APAF1: variants seen among roughly 807,000 people sequenced by gnomAD.
The protein encoded by APAF1 is apoptotic peptidase activating factor 1, also known as apoptotic protease-activating factor 1.
Under a neutral mutation model 152.4 loss-of-function variants are expected in APAF1, and 91 were observed. The ratio of observed to expected loss-of-function variants is 0.60; its 90% CI spans 0.50 to 0.71. APAF1 has a LOEUF of 0.71. Among genes scored for constraint, APAF1 ranks in the 30% least tolerant of loss-of-function variants. The probability of loss-of-function intolerance (pLI) is 0.00; values close to 1 mark genes in which losing one functional copy is unlikely to be tolerated. For missense variants in APAF1, 1,283 were observed against 1,472.0 expected (o/e 0.87, Z 2.10); for synonymous variants, 484 against 494.1 (o/e 0.98, Z 0.27).
At chr12:98,703,634 G>T in intron 18 of APAF1, 135 bp downstream of exon 18, 1 of 1,095,850 alleles carries the variant, frequency 9.1e-7, no homozygotes. Context: ...ATAGCCTAAT[G>T]ACCTCTAACT....
chr12:98,646,521 C>CT (rs779960308), intron 1 of APAF1, among the ~76,000 whole-genome samples: 50 of 152,296 alleles, frequency 3.3e-4, no homozygotes, highest in Non-Finnish European at 5.1e-4. Context: ...TACTTGTGCT[C>CT]TGTTTTTGCA....
At chr12:98,652,689 C>T (rs1010799263) in intron 4 of APAF1, among the ~76,000 whole-genome samples, 47 of 151,886 alleles carry the variant, frequency 3.1e-4, no homozygotes, top group Admixed American at 2.8e-3. Context: ...TGCCATGGCG[C>T]GATCTTGGCT....
rs138126255 is a variant in APAF1, at chr12:98,711,627, A to G, written c.2842-692A>G. On this transcript the variant is annotated intron_variant, in intron 20 of 26. Transcript: ENST00000551964. Reference sequence around the variant, plus strand: ...GAATTTTAGTTTATGACACTAAGAGAGAGGTATCTGACAACTGATTTAAGC... The same window carrying G: ...GAATTTTAGTTTATGACACTAAGAGGGAGGTATCTGACAACTGATTTAAGC... Among the ~76,000 whole-genome samples the G allele has an allele frequency of 3.9e-5, 6 of 152,322 alleles. No individual in the cohort carries two copies. The East Asian group carries it at 1.2e-3, about 29-fold the overall frequency.
At chr12:98,726,010 C>T (rs1230697728) in intron 25 of APAF1, among the ~76,000 whole-genome samples, 3 of 152,164 alleles carry the variant, frequency 2.0e-5, no homozygotes, top group East Asian at 3.9e-4. Context: ...CCTCTGTGGA[C>T]TGCCTGCCTG....
intron 19 of APAF1, among the ~76,000 whole-genome samples, chr12:98,708,346 A>G (rs1259284263): frequency 2.6e-5 from 4 of 152,224 alleles, no homozygotes; most frequent in Admixed American, 6.5e-5. Flanking sequence ...TGAAGTTACA[A>G]CTTTAGGTAG....
Position 98,703,425 on chromosome 12 carries a change from A to G in APAF1, c.2521A>G (p.Ser841Gly). 1 of 1,614,180 alleles carries G rather than the reference A, an allele frequency of 6.2e-7. No individual in the cohort carries two copies. Among genetic ancestry groups the G allele is most frequent in the Non-Finnish European group, 8.5e-7 (1 of 1,180,020 alleles). ...LLGEIHTGHHSTIQYCDFSPQ... is the reference protein window; with the variant it reads ...LLGEIHTGHHGTIQYCDFSPQ... ...GGGAGAAATCCACACGGGCCATCAC[A>G]GCACCATCCAGTACTGTGACTTCTC... Residue 841 changes from serine (S) to glycine (G), a missense_variant, in exon 18 of 27, where the codon AGC (serine) becomes GGC (glycine). Coordinates refer to ENST00000551964, the MANE Select transcript of APAF1 (RefSeq NM_181861.2).
chr12:98,648,325 G>A lies in APAF1; in HGVS notation c.-35G>A, dbSNP rs2097644604. 6.2e-7 allele frequency: 1 copy of A among 1,613,566 alleles called. No individual in the cohort carries two copies. The highest frequency in any genetic ancestry group is 1.1e-5 in the South Asian group (1 of 90,958). On this transcript the variant is annotated 5_prime_UTR_variant, in exon 2 of 27. Transcript: ENST00000551964. ...TTTGGTGTTTTGGCTGTAGCTCATGGTTGACAGCTCAGAGAGAGAAAGATC... is the reference window on the plus strand; with the variant it reads ...TTTGGTGTTTTGGCTGTAGCTCATGATTGACAGCTCAGAGAGAGAAAGATC...
chr12:98,648,957 T>C (rs1007736132), intron 3 of APAF1, 142 bp downstream of exon 3: 1 of 893,932 alleles, frequency 1.1e-6, no homozygotes. Context: ...GTTTTCAATT[T>C]AAATATTTTT....
rs753107484 is a variant in APAF1, at chr12:98,662,812, GTTAT to G, written c.955+13_955+16del. The G allele has an allele frequency of 5.6e-6, 9 of 1,606,760 alleles. No homozygotes were observed. In the African/African-American group the frequency reaches 9.4e-5, roughly 17 times the overall value. ...TATTATAAAAGAATGTAAAGGTATGGTTATTTATTTGTTTATGAGGAGATTATAG... is the reference window on the plus strand; with the variant it reads ...TATTATAAAAGAATGTAAAGGTATGGTTATTTGTTTATGAGGAGATTATAG... On this transcript the variant is annotated splice_region_variant and intron_variant, in intron 7 of 26. Transcript: ENST00000551964.
chr12:98,700,086 A>G (rs1031739415), intron 17 of APAF1, among the ~76,000 whole-genome samples: 4 of 152,258 alleles, frequency 2.6e-5, no homozygotes, highest in African/African-American at 9.6e-5. Flanking sequence ...AAATATGAAA[A>G]AAGTAAATAA....
At chr12:98,721,948 TTTTC>T (rs2097743552) in intron 22 of APAF1, among the ~76,000 whole-genome samples, 1 of 152,216 alleles carries the variant, frequency 6.6e-6, no homozygotes, top group African/African-American at 2.4e-5. Flanking sequence ...TGTGGCTGCT[TTTTC>T]TTTATCTTTT....
chr12:98,704,253 A>C (rs2097718936), intron 18 of APAF1, among the ~76,000 whole-genome samples: 1 of 152,002 alleles, frequency 6.6e-6, no homozygotes, highest in Non-Finnish European at 1.5e-5. Flanking sequence ...CAGGTGTATC[A>C]CCTTGCCTGG....
intron 26 of APAF1, 141 bp downstream of exon 26, chr12:98,727,457 G>A (rs957926703): frequency 1.5e-5 from 14 of 916,970 alleles, no homozygotes; most frequent in African/African-American, 5.0e-5. Flanking sequence ...TAAGGTGGGA[G>A]GATCGCTGGA....
rs527298858 is a variant in APAF1, at chr12:98,655,705, C to A, written c.527-3455C>A. 2.0e-5 allele frequency among the ~76,000 whole-genome samples: 3 copies of A among 152,226 alleles called. No individual in the cohort carries two copies. In the East Asian group the frequency reaches 5.8e-4, roughly 29 times the overall value. ...CCTGGCTCACTGCAGCCTCAACTTT[C>A]CAGGCTCAGGTCATCCTCCCACCTC... On this transcript the variant is annotated intron_variant, in intron 4 of 26. Transcript: ENST00000551964.
At position 98,725,548 on chromosome 12, in the gene APAF1, G is replaced by A; in HGVS notation, c.3456+8G>A. 6.2e-7 allele frequency: 1 copy of A among 1,614,060 alleles called. No individual in the cohort carries two copies. Among genetic ancestry groups the A allele is most frequent in the Non-Finnish European group, 8.5e-7 (1 of 1,179,958 alleles). On this transcript the variant is annotated splice_region_variant and intron_variant, in intron 25 of 26. Coordinates refer to ENST00000551964, the MANE Select transcript of APAF1 (RefSeq NM_181861.2). Reference sequence around the variant, plus strand: ...GACAATGGAGAAATCAGGGTAGGCTGTTTGCTGACATGAGAGCACTGCTCT... The same window carrying A: ...GACAATGGAGAAATCAGGGTAGGCTATTTGCTGACATGAGAGCACTGCTCT...
intron 14 of APAF1, among the ~76,000 whole-genome samples, chr12:98,680,767 C>T (rs1446232856): frequency 6.6e-6 from 1 of 152,048 alleles, no homozygotes; most frequent in Non-Finnish European, 1.5e-5. Flanking sequence ...TTGATCACCT[C>T]AGGATTAAAC....
chr12:98,680,369 T>G lies in APAF1; in HGVS notation c.2013T>G (p.Phe671Leu). Residue 671 changes from phenylalanine (F) to leucine (L), a missense_variant, in exon 14 of 27, where the codon TTT (phenylalanine) becomes TTG (leucine). Transcript: ENST00000551964. ...LCCAFSTDDR[F>L]IATCSVDKKV... ...GTGCATTCTCTACAGATGACAGATT[T>G]ATAGCAACCTGCTCAGTGGATAAAA... 6.2e-7 allele frequency: 1 copy of G among 1,613,802 alleles called. No homozygotes were observed. Among genetic ancestry groups the G allele is most frequent in the East Asian group, 2.2e-5 (1 of 44,862 alleles).
chr12:98,653,422 C>T (rs781618438), intron 4 of APAF1, among the ~76,000 whole-genome samples: 1 of 150,502 alleles, frequency 6.6e-6, no homozygotes, highest in Middle Eastern at 3.2e-3. Context: ...TCTGGGAGGC[C>T]GAGGTGGACA....
chr12:98,732,181 C>T (rs1430590783), intron 26 of APAF1, among the ~76,000 whole-genome samples: 3 of 152,168 alleles, frequency 2.0e-5, no homozygotes, highest in East Asian at 1.9e-4. Context: ...GCATGTTTCT[C>T]CAGCACAACT....
Sources: gnomAD v4.1 joint callset for allele counts (sites outside exome capture counted in the v4.1 genomes callset) on GRCh38, gnomAD v4.1.1 for gene constraint, MANE v1.5 for transcripts, NCBI Gene and HGNC (gene_info 2026-07-23, HGNC 2026-07-21) for gene names.